Variants in PTAFR observed in about 807,000 individuals in gnomAD.
The protein encoded by PTAFR is platelet-activating factor receptor.
In PTAFR, 8 loss-of-function variants were observed where a neutral mutation model predicts 14.7. The observed-to-expected ratio is 0.54, with a 90% CI of 0.32 to 0.98. The LOEUF is 0.98. Ranked by LOEUF, PTAFR falls within the 50% of genes least tolerant of loss-of-function variation. The pLI is 0.04. For missense variants in PTAFR, 337 were observed against 451.2 expected (o/e 0.75, Z 2.29); for synonymous variants, 156 against 176.5 (o/e 0.88, Z 0.92).
chr1:28,189,311 C>T (rs1646631772), intron 1 of PTAFR, among the ~76,000 whole-genome samples: 1 of 152,040 alleles, frequency 6.6e-6, no homozygotes, highest in African/African-American at 2.4e-5. Context: ...CATATAATAA[C>T]AAAGATAATA....
chr1:28,160,626 T>G (rs897325807), intron 1 of PTAFR, among the ~76,000 whole-genome samples: 1 of 150,724 alleles, frequency 6.6e-6, no homozygotes, highest in Admixed American at 6.6e-5. Context: ...TAATCTCTAT[T>G]TCAAAGTTGG....
intron 1 of PTAFR, among the ~76,000 whole-genome samples, chr1:28,193,483 G>A (rs376937): frequency 6.6e-6 from 1 of 152,058 alleles, no homozygotes; most frequent in Non-Finnish European, 1.5e-5. Flanking sequence ...TGGTGTGTGA[G>A]GAATGCTGCG....
intron 1 of PTAFR, among the ~76,000 whole-genome samples, chr1:28,190,115 G>A (rs1572052785): frequency 6.6e-6 from 1 of 152,074 alleles, no homozygotes; most frequent in Non-Finnish European, 1.5e-5. Context: ...TAGGATTATG[G>A]TCATGTGCCA....
intron 1 of PTAFR, among the ~76,000 whole-genome samples, chr1:28,183,998 C>A (rs1646583637): frequency 6.6e-6 from 1 of 151,998 alleles, no homozygotes; most frequent in Non-Finnish European, 1.5e-5. Context: ...TGCTATAGCC[C>A]TGGTCCAAGT....
intron 1 of PTAFR, among the ~76,000 whole-genome samples, chr1:28,191,966 G>A (rs1464666307): frequency 1.3e-5 from 2 of 151,944 alleles, no homozygotes; most frequent in African/African-American, 4.8e-5. Context: ...ACTCATGAAG[G>A]GACTGAGGCG....
upstream of PTAFR, among the ~76,000 whole-genome samples, chr1:28,178,359 C>A (rs1043663534): frequency 6.6e-6 from 1 of 152,028 alleles, no homozygotes; most frequent in Admixed American, 6.6e-5. Context: ...CTCCCACTTT[C>A]AAGGGATTCT....
At chr1:28,168,993 C>T (rs148479220) in intron 1 of PTAFR, among the ~76,000 whole-genome samples, 13 of 151,636 alleles carry the variant, frequency 8.6e-5, no homozygotes, top group Non-Finnish European at 1.8e-4. Flanking sequence ...TATTGGCACT[C>T]GCAGGATTTA....
chr1:28,171,075 C>A (rs948616032), intron 1 of PTAFR, among the ~76,000 whole-genome samples: 1 of 152,024 alleles, frequency 6.6e-6, no homozygotes, highest in African/African-American at 2.4e-5. Flanking sequence ...GTAATCCCAG[C>A]ACTCTGGGAG....
intron 1 of PTAFR, among the ~76,000 whole-genome samples, chr1:28,163,990 T>C (rs1193222936): frequency 6.6e-6 from 1 of 152,208 alleles, no homozygotes; most frequent in Non-Finnish European, 1.5e-5. Flanking sequence ...AGAGAGGCCA[T>C]AAATATTCAT....
At position 28,187,325 on chromosome 1, in the gene PTAFR, TACTAATAGCC is replaced by T. The variant is rs201115768; in HGVS notation, c.-39+6387_-39+6396del. On this transcript the variant is annotated intron_variant, in intron 1 of 1. Coordinates refer to the PTAFR transcript ENST00000305392. ...CAGATCAATAAGAGTAGATATTAGC[TACTAATAGCC>T]ACTAATAGTGCAAGTTATTAGCTAT... Among the ~76,000 whole-genome samples, 227 of 152,240 alleles carry T rather than the reference TACTAATAGCC, an allele frequency of 1.5e-3. 1 individual carries two copies. The highest frequency in any genetic ancestry group is 5.0e-3 in the African/African-American group (209 of 41,534).
intron 1 of PTAFR, among the ~76,000 whole-genome samples, chr1:28,160,059 T>G (rs1470271987): frequency 6.6e-6 from 1 of 150,860 alleles, no homozygotes; most frequent in Non-Finnish European, 1.5e-5. Flanking sequence ...CTAAAAATTT[T>G]TAAAAGTTAG....
In PTAFR at chr1:28,193,003, C is replaced by T. The variant is rs112255882; in HGVS notation, c.-39+719G>A. ...TGCTCTTTAGTGCGGCTGGGACCCC[C>T]GGCTCAGCTCTGCCCTTCTTGCTCC... On this transcript the variant is annotated intron_variant, in intron 1 of 1. Coordinates refer to the PTAFR transcript ENST00000305392. Among the ~76,000 whole-genome samples, 58 of 152,276 alleles carry T rather than the reference C, an allele frequency of 3.8e-4. 2 individuals are homozygous for T. The highest frequency in any genetic ancestry group is 1.2e-3 in the African/African-American group (49 of 41,534).
At chr1:28,188,325 A>C (rs1646623114) in intron 1 of PTAFR, among the ~76,000 whole-genome samples, 1 of 152,198 alleles carries the variant, frequency 6.6e-6, no homozygotes, top group Admixed American at 6.5e-5. Flanking sequence ...GCACGCCTGT[A>C]ATCCCAGCTA....
intron 1 of PTAFR, among the ~76,000 whole-genome samples, chr1:28,190,600 G>A (rs1017717107): frequency 5.3e-5 from 8 of 152,162 alleles, no homozygotes; most frequent in Middle Eastern, 3.2e-3. Context: ...CCATTAAGTC[G>A]TAGTAGTTAA....
At chr1:28,187,781 C>A (rs12139433) in intron 1 of PTAFR, among the ~76,000 whole-genome samples, 8,444 of 152,188 alleles carry the variant, frequency 0.055, 329 homozygotes, top group Middle Eastern at 0.12. Context: ...CCATGCCCAG[C>A]CAAGAAAACT....
chr1:28,162,977 C>T (rs1557689469), intron 1 of PTAFR, among the ~76,000 whole-genome samples: 1 of 152,164 alleles, frequency 6.6e-6, no homozygotes, highest in Admixed American at 6.5e-5. Flanking sequence ...CTCCCCTGGC[C>T]CAGGATCAAG....
At chr1:28,182,491 T>C (rs1307129666) in intron 1 of PTAFR, among the ~76,000 whole-genome samples, 2 of 151,770 alleles carry the variant, frequency 1.3e-5, no homozygotes, top group Admixed American at 1.3e-4. Flanking sequence ...CTGGACAACA[T>C]AGCCAGACTC....
rs776497947 is a variant in PTAFR, at chr1:28,147,739, G to A, written c.*2254C>T. On this transcript the variant is annotated 3_prime_UTR_variant, in exon 2 of 2. Coordinates refer to ENST00000373857, the MANE Select transcript of PTAFR (RefSeq NM_000952.5). ...AGGGGCCCAAATTCGCAGAAAAGGG[G>A]AGGGTCTAAGATGAGCAGTCACCCT... 12 of 152,170 alleles carry A rather than the reference G, an allele frequency of 7.9e-5. No individual in the cohort carries two copies. Among genetic ancestry groups the A allele is most frequent in the Non-Finnish European group, 1.2e-4 (8 of 68,050 alleles). 9.4% of individuals were successfully genotyped at this position (152,170 alleles called of 1,614,324 possible). A position where few individuals can be genotyped will look rare whatever the true frequency, so the allele number is the denominator to read the frequency against.
intron 1 of PTAFR, among the ~76,000 whole-genome samples, chr1:28,166,250 T>G (rs1646383774): frequency 6.6e-6 from 1 of 152,118 alleles, no homozygotes; most frequent in Admixed American, 6.6e-5. Flanking sequence ...AAGATGGATA[T>G]CCACATGCAG....
Sources: gnomAD v4.1 joint callset for allele counts (sites outside exome capture counted in the v4.1 genomes callset) on GRCh38, gnomAD v4.1.1 for gene constraint, MANE v1.5 for transcripts, NCBI Gene and HGNC (gene_info 2026-07-23, HGNC 2026-07-21) for gene names.